Variants in ABTB2 observed in about 807,000 individuals in gnomAD.
The protein encoded by ABTB2 is ankyrin repeat and BTB/POZ domain-containing protein 2.
A neutral mutation model predicts 104.1 loss-of-function variants in ABTB2; 56 were observed. The observed-to-expected ratio is 0.54, with a 90% CI of 0.43 to 0.67. The LOEUF is 0.67. Among genes scored for constraint, ABTB2 ranks in the 30% least tolerant of loss-of-function variants. The pLI is 0.00. For missense variants in ABTB2, 1,279 were observed against 1,407.7 expected, an observed-to-expected ratio of 0.91 and a Z score of 1.46; for synonymous variants, 606 against 608.2, an observed-to-expected ratio of 1.00 and a Z score of 0.05.
chr11:34,333,870 G>A (rs1003705202), intron 1 of ABTB2, among the ~76,000 whole-genome samples: 2 of 152,142 alleles, frequency 1.3e-5, no homozygotes, highest in African/African-American at 4.8e-5. Context: ...CTATGTTCTT[G>A]TCTCCTTTAC....
At chr11:34,289,706 G>A (rs1305819002) in intron 1 of ABTB2, among the ~76,000 whole-genome samples, 1 of 152,260 alleles carries the variant, frequency 6.6e-6, no homozygotes, top group Non-Finnish European at 1.5e-5. Flanking sequence ...GAGTTCAGAG[G>A]CAATGCATGA....
intron 4 of ABTB2, among the ~76,000 whole-genome samples, chr11:34,171,892 C>T (rs1225797507): frequency 6.6e-6 from 1 of 152,146 alleles, no homozygotes; most frequent in Non-Finnish European, 1.5e-5. Flanking sequence ...GCAATCAACG[C>T]AACCTACAAG....
At chr11:34,274,976 T>C (rs1203216543) in intron 1 of ABTB2, among the ~76,000 whole-genome samples, 2 of 152,162 alleles carry the variant, frequency 1.3e-5, no homozygotes, top group African/African-American at 4.8e-5. Flanking sequence ...GACTCCCGCC[T>C]GGGGCCTGAA....
intron 1 of ABTB2, among the ~76,000 whole-genome samples, chr11:34,331,003 G>A (rs1355923729): frequency 5.9e-5 from 9 of 152,306 alleles, no homozygotes; most frequent in Admixed American, 3.3e-4. Context: ...TGCTGAGCTT[G>A]GCAGCAGAGA....
chr11:34,204,474 C>T, intron 2 of ABTB2, 70 bp downstream of exon 2: 3 of 1,484,850 alleles, frequency 2.0e-6, no homozygotes, highest in South Asian at 1.4e-5. Flanking sequence ...GCGAGCTCTC[C>T]CTGCCTTCCC....
intron 1 of ABTB2, among the ~76,000 whole-genome samples, chr11:34,216,876 G>C (rs1853554576): frequency 6.6e-6 from 1 of 152,154 alleles, no homozygotes; most frequent in African/African-American, 2.4e-5. Flanking sequence ...ACAGGTCCCG[G>C]GCAGAAGCAG....
chr11:34,232,982 C>G (rs150886641), intron 1 of ABTB2, among the ~76,000 whole-genome samples: 1 of 151,510 alleles, frequency 6.6e-6, no homozygotes, highest in Admixed American at 6.6e-5. Flanking sequence ...AACCTCCCCC[C>G]AAAACCCCAA....
chr11:34,329,107 G>A (rs914328358), intron 1 of ABTB2, among the ~76,000 whole-genome samples: 2 of 152,174 alleles, frequency 1.3e-5, no homozygotes, highest in Non-Finnish European at 2.9e-5. Context: ...CTTCAAACCT[G>A]TAATCTGAAT....
intron 1 of ABTB2, among the ~76,000 whole-genome samples, chr11:34,301,444 T>C (rs1311099328): frequency 1.3e-5 from 2 of 152,206 alleles, no homozygotes; most frequent in Non-Finnish European, 2.9e-5. Context: ...GTAATTTTCC[T>C]GCCAAACAAA....
At chr11:34,183,903 A>T (rs1279156460) in intron 3 of ABTB2, among the ~76,000 whole-genome samples, 1 of 152,066 alleles carries the variant, frequency 6.6e-6, no homozygotes, top group Non-Finnish European at 1.5e-5. Context: ...TGTTTTAAAA[A>T]CAAAAACAAA....
At chr11:34,195,082 G>T (rs924927544) in intron 3 of ABTB2, among the ~76,000 whole-genome samples, 9 of 95,056 alleles carry the variant, frequency 9.5e-5, no homozygotes, top group East Asian at 6.6e-4. Flanking sequence ...CGGCGGGGGG[G>T]GGGAGTGGGG....
intron 4 of ABTB2, among the ~76,000 whole-genome samples, chr11:34,172,384 A>C (rs1852886993): frequency 1.2e-5 from 1 of 82,472 alleles, no homozygotes; most frequent in African/African-American, 4.4e-5. Context: ...AAAAAAAAAA[A>C]AAAAAAAAAA....
At chr11:34,348,996 G>A (rs1329975037) in intron 1 of ABTB2, among the ~76,000 whole-genome samples, 1 of 152,178 alleles carries the variant, frequency 6.6e-6, no homozygotes, top group Non-Finnish European at 1.5e-5. Flanking sequence ...GATTAATGAT[G>A]CCGGCATGGC....
chr11:34,191,510 AT>A (rs1853176196), intron 3 of ABTB2, among the ~76,000 whole-genome samples: 2 of 152,186 alleles, frequency 1.3e-5, no homozygotes. Context: ...GGAGAACAAG[AT>A]TAGTATAACA....
At chr11:34,345,317 C>T (rs1855317312) in intron 1 of ABTB2, among the ~76,000 whole-genome samples, 1 of 152,196 alleles carries the variant, frequency 6.6e-6, no homozygotes. Context: ...CTGTCTTCTC[C>T]AGCCAGGCTG....
In ABTB2 at chr11:34,197,543, T is replaced by A; in HGVS notation, c.1031-5A>T. ...TGGCACGGGAGACCAAGTCACCTGGTGGGGGGCGGGGAGGGCAGAGGGGAG... is the reference window on the plus strand; with the variant it reads ...TGGCACGGGAGACCAAGTCACCTGGAGGGGGGCGGGGAGGGCAGAGGGGAG... On this transcript the variant is annotated splice_region_variant and splice_polypyrimidine_tract_variant and intron_variant, in intron 2 of 16. Transcript: ENST00000435224. 2 of 1,552,406 alleles carry A rather than the reference T, an allele frequency of 1.3e-6. No homozygotes were observed. The highest frequency in any genetic ancestry group is 1.7e-6 in the Non-Finnish European group (2 of 1,153,950).
chr11:34,282,160 G>A (rs1457548606), intron 1 of ABTB2, among the ~76,000 whole-genome samples: 1 of 152,116 alleles, frequency 6.6e-6, no homozygotes, highest in African/African-American at 2.4e-5. Flanking sequence ...CTCACACGGT[G>A]GAAGAGCCGA....
intron 1 of ABTB2, among the ~76,000 whole-genome samples, chr11:34,346,652 G>T (rs778374324): frequency 2.6e-5 from 4 of 152,130 alleles, no homozygotes; most frequent in Admixed American, 6.5e-5. Flanking sequence ...TCCATGTGGG[G>T]TCTAGAAACA....
At chr11:34,232,018 G>A (rs761844449) in intron 1 of ABTB2, among the ~76,000 whole-genome samples, 8 of 152,136 alleles carry the variant, frequency 5.3e-5, no homozygotes, top group Non-Finnish European at 5.9e-5. Flanking sequence ...GGGTTCCTGA[G>A]ACAGAAAAAG....
Sources: gnomAD v4.1 joint callset for allele counts (sites outside exome capture counted in the v4.1 genomes callset) on GRCh38, gnomAD v4.1.1 for gene constraint, MANE v1.5 for transcripts, NCBI Gene and HGNC (gene_info 2026-07-23, HGNC 2026-07-21) for gene names.